The following LRBA variants were observed in gnomAD, a reference collection of about 807,000 sequenced individuals.
LRBA encodes LPS responsive beige-like anchor protein, also known as lipopolysaccharide-responsive and beige-like anchor protein.
Under a neutral mutation model 330.0 loss-of-function variants are expected in LRBA, and 176 were observed. The ratio of observed to expected loss-of-function variants is 0.53; its 90% CI spans 0.47 to 0.60. The LOEUF is 0.60. Ranked by LOEUF, LRBA falls within the 20% of genes least tolerant of loss-of-function variation. The pLI, the probability that LRBA is intolerant of heterozygous loss-of-function variation, is 0.00. For synonymous variants in LRBA, 1,230 were observed against 1,193.0 expected (o/e 1.03, Z -0.64); for missense variants, 3,259 against 3,444.8 (o/e 0.95, Z 1.35).
intron 2 of LRBA, among the ~76,000 whole-genome samples, chr4:150,974,525 C>A (rs988913192): frequency 6.6e-6 from 1 of 152,138 alleles, no homozygotes; most frequent in African/African-American, 2.4e-5. Context: ...AGGCTTTGGA[C>A]TAAGCTTTAG....
At chr4:150,300,353 T>C (rs1156670798) in intron 53 of LRBA, among the ~76,000 whole-genome samples, 3 of 152,128 alleles carry the variant, frequency 2.0e-5, no homozygotes, top group Non-Finnish European at 4.4e-5. Context: ...ATTATTCTTT[T>C]ATTGTTTTTC....
At chr4:150,927,243 T>C (rs1481133633) in intron 4 of LRBA, among the ~76,000 whole-genome samples, 1 of 151,594 alleles carries the variant, frequency 6.6e-6, no homozygotes, top group Non-Finnish European at 1.5e-5. Flanking sequence ...CTTGGTGGCA[T>C]ACGCCTGTAG....
intron 28 of LRBA, among the ~76,000 whole-genome samples, chr4:150,834,785 C>G (rs530198100): frequency 6.6e-6 from 1 of 152,284 alleles, no homozygotes; most frequent in African/African-American, 2.4e-5. Context: ...TTCCTGGTAG[C>G]TAGGAACATT....
At chr4:150,275,861 T>C (rs1020983604) in intron 56 of LRBA, among the ~76,000 whole-genome samples, 5 of 152,214 alleles carry the variant, frequency 3.3e-5, no homozygotes, top group Admixed American at 6.5e-5. Flanking sequence ...CCCAAAGTAA[T>C]TTATAGAGTC....
intron 46 of LRBA, among the ~76,000 whole-genome samples, chr4:150,418,150 T>C (rs1197342980): frequency 6.6e-6 from 1 of 152,044 alleles, no homozygotes; most frequent in East Asian, 1.9e-4. Context: ...CCCAAGTGGC[T>C]AGGACTATAG....
chr4:150,265,799 C>T lies in LRBA; in HGVS notation c.8482G>A (p.Gly2828Ser), dbSNP rs1269821586. 1.2e-6 allele frequency: 2 copies of T among 1,610,580 alleles called. No homozygotes were observed. The highest frequency in any genetic ancestry group is 1.3e-5 in the African/African-American group (1 of 74,926). Reference sequence around the variant, plus strand: ...AGCACAATGCTTCCTGAAGCCATGCCAGAAATGATGCACCTAGGAGAAGCA... The same window carrying T: ...AGCACAATGCTTCCTGAAGCCATGCTAGAAATGATGCACCTAGGAGAAGCA... ...LSYDQRCIIS[G>S]MASGSIVLFY... Residue 2828 changes from glycine to serine, a missense_variant, in exon 57 of 57, where the codon GGC (glycine) becomes AGC (serine). By Grantham distance (56) the Gly-to-Ser change is moderately conservative (BLOSUM62 0). Coordinates refer to ENST00000651943, the MANE Select transcript of LRBA (RefSeq NM_001364905.1).
intron 2 of LRBA, among the ~76,000 whole-genome samples, chr4:150,988,253 AC>A (rs1460978282): frequency 6.6e-6 from 1 of 152,186 alleles, no homozygotes; most frequent in African/African-American, 2.4e-5. Flanking sequence ...TACAGGACAC[AC>A]TGGATCCCAT....
intron 46 of LRBA, among the ~76,000 whole-genome samples, chr4:150,416,551 A>C (rs1281416127): frequency 2.0e-5 from 3 of 152,190 alleles, no homozygotes; most frequent in Non-Finnish European, 4.4e-5. Context: ...TAATTAACTA[A>C]GCAGGGTAGA....
rs149543129 is a variant in LRBA, at chr4:150,320,222, A to G, written c.7630+969T>C. Among the ~76,000 whole-genome samples the G allele has an allele frequency of 5.0e-3, 756 of 152,256 alleles. 6 individuals are homozygous for G. The highest frequency in any genetic ancestry group is 0.017 in the African/African-American group (723 of 41,550). On this transcript the variant is annotated intron_variant, in intron 50 of 56. Transcript: ENST00000651943. The stretch of plus-strand genomic sequence containing the variant: ...ACTGACTGGGCATATTTGATGCAGA[A>G]TAAGGCGAGCTCCCTGGGCTCAGTG...
chr4:150,726,372 A>G (rs996851504), intron 36 of LRBA, among the ~76,000 whole-genome samples: 1 of 152,208 alleles, frequency 6.6e-6, no homozygotes, highest in Non-Finnish European at 1.5e-5. Flanking sequence ...ATAGATTTCA[A>G]GACAAAAATT....
intron 40 of LRBA, among the ~76,000 whole-genome samples, chr4:150,515,344 A>G (rs1364057226): frequency 6.6e-6 from 1 of 152,232 alleles, no homozygotes; most frequent in Non-Finnish European, 1.5e-5. Context: ...AAAGCATTTG[A>G]TCAAATTCAG....
At chr4:150,963,660 G>C (rs925044257) in intron 2 of LRBA, among the ~76,000 whole-genome samples, 1 of 148,134 alleles carries the variant, frequency 6.8e-6, no homozygotes, top group Admixed American at 6.6e-5. Context: ...TCTGGGATGC[G>C]AGGAGCCCCT....
intron 17 of LRBA, 23 bp from the exon 18 acceptor site, chr4:150,872,778 C>G (rs1753585883): frequency 1.6e-6 from 2 of 1,271,786 alleles, no homozygotes; most frequent in Admixed American, 1.9e-5. Flanking sequence ...AAATTTAAAA[C>G]AAACTATTTT....
chr4:150,708,912 C>T (rs1420786863), intron 36 of LRBA, among the ~76,000 whole-genome samples: 1 of 151,776 alleles, frequency 6.6e-6, no homozygotes, highest in African/African-American at 2.4e-5. Context: ...ACAACCCTTT[C>T]AGTCATAATC....
At chr4:151,001,565 A>G (rs984120334) in intron 2 of LRBA, among the ~76,000 whole-genome samples, 4 of 152,054 alleles carry the variant, frequency 2.6e-5, no homozygotes, top group Non-Finnish European at 5.9e-5. Flanking sequence ...CGCTACCACC[A>G]CAGCTGGCAT....
At chr4:150,405,560 T>G (rs1229174698) in intron 47 of LRBA, among the ~76,000 whole-genome samples, 1 of 152,146 alleles carries the variant, frequency 6.6e-6, no homozygotes, top group African/African-American at 2.4e-5. Context: ...AATAGATATT[T>G]TTTCTCCTCT....
chr4:150,892,117 A>G (rs186381659), intron 17 of LRBA, among the ~76,000 whole-genome samples: 260 of 152,314 alleles, frequency 1.7e-3, no homozygotes, highest in Middle Eastern at 3.4e-3. Flanking sequence ...CCCTGTGTGA[A>G]TTTATTATAA....
At chr4:150,287,660 G>A (rs1208859516) in intron 53 of LRBA, among the ~76,000 whole-genome samples, 4 of 152,194 alleles carry the variant, frequency 2.6e-5, no homozygotes, top group African/African-American at 4.8e-5. Context: ...AATGCCACAC[G>A]GAACTTTGCA....
chr4:150,573,683 T>C (rs979287915), intron 40 of LRBA, among the ~76,000 whole-genome samples: 10 of 152,194 alleles, frequency 6.6e-5, no homozygotes, highest in Non-Finnish European at 1.2e-4. Context: ...AATTATTTCC[T>C]ACCAAGCTAC....
Sources: gnomAD v4.1 joint callset for allele counts (sites outside exome capture counted in the v4.1 genomes callset) on GRCh38, gnomAD v4.1.1 for gene constraint, MANE v1.5 for transcripts, NCBI Gene and HGNC (gene_info 2026-07-23, HGNC 2026-07-21) for gene names.